Variants in NEK11 observed in about 807,000 individuals in gnomAD.
NEK11 encodes the protein NIMA related kinase 11, also known as serine/threonine-protein kinase Nek11.
Under a neutral mutation model 80.7 loss-of-function variants are expected in NEK11, and 72 were observed. The ratio of observed to expected loss-of-function variants is 0.89; its 90% CI spans 0.74 to 1.08. The LOEUF (loss-of-function observed/expected upper bound fraction) is 1.08, where lower values mean the gene tolerates loss of function less well. NEK11 is among the 50% of genes least tolerant of loss of function. The probability of loss-of-function intolerance (pLI) is 0.00; values close to 1 mark genes in which losing one functional copy is unlikely to be tolerated. For missense variants in NEK11, 764 were observed against 763.6 expected (o/e 1.00, Z -0.01); for synonymous variants, 251 against 260.7 (o/e 0.96, Z 0.36).
intron 17 of NEK11, among the ~76,000 whole-genome samples, chr3:131,313,344 G>GT: frequency 6.6e-6 from 1 of 152,236 alleles, no homozygotes; most frequent in South Asian, 2.1e-4. Flanking sequence ...CCCAGTAATG[G>GT]TATCACTGGG....
chr3:131,138,406 A>G (rs1416232563), intron 7 of NEK11, among the ~76,000 whole-genome samples: 1 of 152,168 alleles, frequency 6.6e-6, no homozygotes, highest in Non-Finnish European at 1.5e-5. Context: ...ATATAACACC[A>G]TGCAGATTTC....
In NEK11 at chr3:131,049,423, T is replaced by C. The variant is rs2067972828; in HGVS notation, c.170+19545T>C. ...GTATGGAGTTTAAGAATGAAAATTT[T>C]ATCCTAAGACTTAGCCCACTTGTAT... On this transcript the variant is annotated intron_variant, in intron 3 of 17. Transcript: ENST00000383366. Among the ~76,000 whole-genome samples the C allele has an allele frequency of 2.0e-5, 3 of 152,242 alleles. No homozygotes were observed. The South Asian group carries it at 6.2e-4, about 32-fold the overall frequency.
intron 16 of NEK11, among the ~76,000 whole-genome samples, chr3:131,259,642 G>A (rs1176804024): frequency 6.6e-6 from 1 of 152,130 alleles, no homozygotes; most frequent in East Asian, 1.9e-4. Flanking sequence ...ACAAGCCTTA[G>A]CCAAACCCTC....
At chr3:131,221,984 G>GT (rs2107678329) in intron 14 of NEK11, among the ~76,000 whole-genome samples, 1 of 152,220 alleles carries the variant, frequency 6.6e-6, no homozygotes, top group African/African-American at 2.4e-5. Flanking sequence ...ATAGATGGTA[G>GT]TGAGAACTAG....
At chr3:131,122,814 C>A (rs1455317015) in intron 5 of NEK11, among the ~76,000 whole-genome samples, 1 of 149,364 alleles carries the variant, frequency 6.7e-6, no homozygotes, top group Non-Finnish European at 1.5e-5. Context: ...CTAGCATGGG[C>A]CCTGGATGCT....
intron 16 of NEK11, among the ~76,000 whole-genome samples, chr3:131,272,473 T>TTTTC (rs2096213749): frequency 8.3e-6 from 1 of 120,912 alleles, no homozygotes; most frequent in Middle Eastern, 3.5e-3. Flanking sequence ...CTTTTTTTTT[T>TTTTC]TTTTTTTTTT....
At chr3:131,238,800 T>G (rs750171681) in intron 15 of NEK11, among the ~76,000 whole-genome samples, 3 of 152,146 alleles carry the variant, frequency 2.0e-5, no homozygotes, top group Non-Finnish European at 2.9e-5. Flanking sequence ...TTGGGGATGA[T>G]AGAGATATTC....
intron 5 of NEK11, among the ~76,000 whole-genome samples, chr3:131,118,517 C>T (rs924201736): frequency 1.3e-5 from 2 of 152,110 alleles, no homozygotes; most frequent in Non-Finnish European, 2.9e-5. Flanking sequence ...CCCTCTTTTT[C>T]TGTTGATTAG....
At chr3:131,049,811 GA>G (rs1368385075) in intron 3 of NEK11, among the ~76,000 whole-genome samples, 1 of 151,952 alleles carries the variant, frequency 6.6e-6, no homozygotes, top group African/African-American at 2.4e-5. Flanking sequence ...ATCTTCTGAG[GA>G]TTTTTTTGTT....
intron 17 of NEK11, among the ~76,000 whole-genome samples, chr3:131,301,536 G>C (rs759790609): frequency 9.9e-5 from 15 of 150,864 alleles, no homozygotes; most frequent in Non-Finnish European, 1.9e-4. Flanking sequence ...TCATTATTTT[G>C]AGATATGTTC....
rs2070410143 is a variant in NEK11, at chr3:131,059,571, A to T, written c.171-20852A>T. On this transcript the variant is annotated intron_variant, in intron 3 of 17. Coordinates refer to ENST00000383366, the MANE Select transcript of NEK11 (RefSeq NM_024800.5). Reference sequence around the variant, plus strand: ...ACAGATATGTGCATTTAATTATTCCATATAGCCCTTTCAAGAAGCCAAATT... The same window carrying T: ...ACAGATATGTGCATTTAATTATTCCTTATAGCCCTTTCAAGAAGCCAAATT... 3.9e-5 allele frequency among the ~76,000 whole-genome samples: 6 copies of T among 152,294 alleles called. No individual in the cohort carries two copies. In the South Asian group the frequency reaches 1.2e-3, roughly 32 times the overall value.
chr3:131,190,338 A>G (rs2093747398), intron 14 of NEK11, among the ~76,000 whole-genome samples: 1 of 152,114 alleles, frequency 6.6e-6, no homozygotes, highest in Admixed American at 6.6e-5. Context: ...ACAGACAAAT[A>G]TGTTGGAGGT....
At chr3:131,128,449 A>T (rs1185703419) in intron 5 of NEK11, among the ~76,000 whole-genome samples, 1 of 152,192 alleles carries the variant, frequency 6.6e-6, no homozygotes, top group African/African-American at 2.4e-5. Context: ...AGTAGTATGC[A>T]TTTAAGTTTC....
At chr3:131,346,503 A>G (rs1271300452) in intron 17 of NEK11, among the ~76,000 whole-genome samples, 2 of 152,174 alleles carry the variant, frequency 1.3e-5, no homozygotes, top group African/African-American at 4.8e-5. Flanking sequence ...TTTTCTCCAT[A>G]AATATTCTCT....
intron 14 of NEK11, among the ~76,000 whole-genome samples, chr3:131,188,676 A>T (rs1300193852): frequency 6.6e-6 from 1 of 152,098 alleles, no homozygotes; most frequent in Non-Finnish European, 1.5e-5. Context: ...CCTGAGCACC[A>T]CTTTTATCTT....
intron 4 of NEK11, chr3:131,087,982 A>C (rs778089490): frequency 6.6e-6 from 1 of 152,144 alleles, no homozygotes; most frequent in Non-Finnish European, 1.5e-5. Flanking sequence ...CCTACTGTGA[A>C]CTCAAATCAG....
chr3:131,035,705 C>A (rs1038420019), intron 3 of NEK11, among the ~76,000 whole-genome samples: 1 of 152,180 alleles, frequency 6.6e-6, no homozygotes, highest in Non-Finnish European at 1.5e-5. Flanking sequence ...GTGCACCCTC[C>A]CACCATTTTC....
chr3:131,167,756 T>C (rs897525706), intron 12 of NEK11, among the ~76,000 whole-genome samples: 27 of 152,162 alleles, frequency 1.8e-4, no homozygotes, highest in Non-Finnish European at 2.2e-4. Flanking sequence ...TTCACAAGGA[T>C]CCTATGAACT....
chr3:131,314,348 A>T (rs2096814039), intron 17 of NEK11, among the ~76,000 whole-genome samples: 1 of 152,180 alleles, frequency 6.6e-6, no homozygotes, highest in Non-Finnish European at 1.5e-5. Context: ...CCTGTAGCTG[A>T]TTTAATATCA....
Sources: allele counts gnomAD v4.1 joint callset (sites outside exome capture counted in the v4.1 genomes callset), GRCh38; gene constraint gnomAD v4.1.1; transcripts MANE v1.5; gene names NCBI Gene and HGNC (gene_info 2026-07-23, HGNC 2026-07-21).